MGAT3: variants seen among roughly 807,000 people sequenced by gnomAD.
The protein encoded by MGAT3 is beta-1,4-mannosyl-glycoprotein 4-beta-N-acetylglucosaminyltransferase.
A neutral mutation model predicts 29.8 loss-of-function variants in MGAT3; 9 were observed. That is an observed-to-expected ratio of 0.30 (90% confidence interval 0.18 to 0.53). The LOEUF is 0.53. Ranked by LOEUF, MGAT3 falls within the 20% of genes least tolerant of loss-of-function variation. MGAT3 has a pLI of 0.96. For missense variants in MGAT3, 557 were observed against 769.5 expected (o/e 0.72, Z 3.27); for synonymous variants, 397 against 348.9 (o/e 1.14, Z -1.54).
At chr22:39,460,706 G>C (rs929423897) in intron 1 of MGAT3, among the ~76,000 whole-genome samples, 1 of 152,206 alleles carries the variant, frequency 6.6e-6, no homozygotes, top group Non-Finnish European at 1.5e-5. Context: ...GCTGAGGCGA[G>C]AGAATCGCTT....
In MGAT3 at chr22:39,488,616, C is replaced by A; in HGVS notation, c.1269C>A (p.Phe423Leu). ...CCGGCTGGCACTGCTCCTGGTGCTTCACGCCCGAGGGCATCTACTTCAAGC... is the reference window on the plus strand; with the variant it reads ...CCGGCTGGCACTGCTCCTGGTGCTTAACGCCCGAGGGCATCTACTTCAAGC... Reference protein sequence around the residue: ...HFAGWHCSWCFTPEGIYFKLV... With the variant: ...HFAGWHCSWCLTPEGIYFKLV... The change falls in exon 2 of 2, where the codon TTC becomes TTA. Residue 423 changes from phenylalanine (F) to leucine (L), a missense_variant. Physicochemically the swap from Phe to Leu is conservative, Grantham distance 22 (BLOSUM62 0). Coordinates refer to ENST00000341184, the MANE Select transcript of MGAT3 (RefSeq NM_002409.5). 2 of 1,613,390 alleles carry A rather than the reference C, an allele frequency of 1.2e-6. No individual in the cohort carries two copies. Among genetic ancestry groups the A allele is most frequent in the Non-Finnish European group, 1.7e-6 (2 of 1,180,010 alleles).
rs1280513964 is a variant in MGAT3, at chr22:39,489,282, C to G, written c.*333C>G. ...GGGTAGGCAGGATTGGGGAAGAGAG[C>G]CTGCAGGATCTCACCAGGCAGCCTC... On this transcript the variant is annotated 3_prime_UTR_variant, in exon 2 of 2. Transcript: ENST00000341184. 2.8e-6 allele frequency: 1 copy of G among 356,178 alleles called. No homozygotes were observed. The highest frequency in any genetic ancestry group is 2.1e-5 in the African/African-American group (1 of 47,486). 22.1% of individuals were successfully genotyped at this position (356,178 alleles called of 1,614,324 possible).
chr22:39,487,979 CCATCAACGT>C lies in MGAT3; in HGVS notation c.635_643del (p.Ile212_Val214del). 6.2e-7 allele frequency: 1 copy of C among 1,612,844 alleles called. No individual in the cohort carries two copies. The highest frequency in any genetic ancestry group is 8.5e-7 in the Non-Finnish European group (1 of 1,179,856). On this transcript the variant is annotated inframe_deletion, in exon 2 of 2. Coordinates refer to ENST00000341184, the MANE Select transcript of MGAT3 (RefSeq NM_002409.5). This position sits in a 1 kb window ranked among gnomAD's most constrained non-coding sequence, Gnocchi z 5.7. ...GAGGTGCCGCGCCGCGTCATCAACG[CCATCAACGT>C]CAACCACGAGTTCGACCTGCTGGAC...
intron 1 of MGAT3, among the ~76,000 whole-genome samples, chr22:39,458,341 C>T (rs180981261): frequency 6.6e-6 from 1 of 152,184 alleles, no homozygotes; most frequent in African/African-American, 2.4e-5. Context: ...TGACCCCCAG[C>T]CCCGGAAGAT....
chr22:39,466,958 C>G (rs1438354377), intron 1 of MGAT3, among the ~76,000 whole-genome samples: 1 of 152,214 alleles, frequency 6.6e-6, no homozygotes, highest in Non-Finnish European at 1.5e-5. Flanking sequence ...TCCGTTCTTT[C>G]AGCAATTACT....
intron 1 of MGAT3, among the ~76,000 whole-genome samples, chr22:39,474,358 T>C (rs1006826670): frequency 6.6e-5 from 10 of 152,170 alleles, no homozygotes; most frequent in African/African-American, 2.4e-4. Flanking sequence ...ACCCTTGCCT[T>C]GGGCAAGGCT....
chr22:39,471,758 G>A (rs973027111), intron 1 of MGAT3, among the ~76,000 whole-genome samples: 6 of 152,124 alleles, frequency 3.9e-5, no homozygotes, highest in Non-Finnish European at 8.8e-5. Context: ...CGAGGCACAG[G>A]GGCAGAGGGG....
intron 1 of MGAT3, among the ~76,000 whole-genome samples, chr22:39,475,349 T>C (rs2145719103): frequency 6.6e-6 from 1 of 152,042 alleles, no homozygotes; most frequent in South Asian, 2.1e-4. Flanking sequence ...GAAAGAGCTG[T>C]CCTCAGTGCC....
At chr22:39,458,966 G>C (rs1255327680) in intron 1 of MGAT3, among the ~76,000 whole-genome samples, 2 of 152,206 alleles carry the variant, frequency 1.3e-5, no homozygotes, top group Non-Finnish European at 2.9e-5. Flanking sequence ...CCTGGCTGGG[G>C]GGATGCCGCT....
chr22:39,482,623 A>G (rs1176903691), intron 1 of MGAT3, among the ~76,000 whole-genome samples: 4 of 152,206 alleles, frequency 2.6e-5, no homozygotes, highest in African/African-American at 9.6e-5. Flanking sequence ...CATTTTATTT[A>G]TATGCTGTCT....
At chr22:39,480,176 T>G (rs1423297473) in intron 1 of MGAT3, among the ~76,000 whole-genome samples, 1 of 152,120 alleles carries the variant, frequency 6.6e-6, no homozygotes, top group Non-Finnish European at 1.5e-5. Context: ...GGAGGCTATC[T>G]TGGCACAGAG....
intron 1 of MGAT3, among the ~76,000 whole-genome samples, chr22:39,479,835 C>T (rs187007098): frequency 1.1e-3 from 160 of 152,270 alleles, no homozygotes; most frequent in African/African-American, 1.5e-3. Flanking sequence ...CAGGGCAGTG[C>T]GGGGTGATCT....
In MGAT3 at chr22:39,490,808, GGAAGAGGCCAGGCCCA is replaced by G. The variant is rs1569008564; in HGVS notation, c.*1861_*1876del. The G allele has an allele frequency of 1.2e-5, 2 of 166,472 alleles. No homozygotes were observed. The highest frequency in any genetic ancestry group is 2.4e-5 in the African/African-American group (1 of 41,222). The allele number at this position is 166,472 out of a possible 1,614,324, so 10.3% of individuals were successfully genotyped here. A position where few individuals can be genotyped will look rare whatever the true frequency, so the allele number is the denominator to read the frequency against. On this transcript the variant is annotated 3_prime_UTR_variant, in exon 2 of 2. Coordinates refer to ENST00000341184, the MANE Select transcript of MGAT3 (RefSeq NM_002409.5). ...TGTAAATACATGCTTGTGTATGGAT[GGAAGAGGCCAGGCCCA>G]GGCCTGGCCTCTTCCTCGGGCCTGT...
chr22:39,481,595 T>A (rs1929128851), intron 1 of MGAT3, among the ~76,000 whole-genome samples: 1 of 152,212 alleles, frequency 6.6e-6, no homozygotes, highest in African/African-American at 2.4e-5. Flanking sequence ...GCATGTTGTA[T>A]GGATCAAATG....
intron 1 of MGAT3, among the ~76,000 whole-genome samples, chr22:39,468,573 G>A (rs1327126736): frequency 1.3e-5 from 2 of 152,256 alleles, no homozygotes; most frequent in East Asian, 3.8e-4. Flanking sequence ...TCATTGGGGT[G>A]TGACAAGCCC....
At chr22:39,460,681 C>A (rs1188305636) in intron 1 of MGAT3, among the ~76,000 whole-genome samples, 6 of 152,146 alleles carry the variant, frequency 3.9e-5, no homozygotes, top group Admixed American at 1.3e-4. Flanking sequence ...ACCTATAATT[C>A]CAGCTACTTG....
chr22:39,465,770 A>G (rs1928626560), intron 1 of MGAT3, among the ~76,000 whole-genome samples: 1 of 152,026 alleles, frequency 6.6e-6, no homozygotes, highest in Non-Finnish European at 1.5e-5. Flanking sequence ...CGTCTCTACT[A>G]AAAATACAAA....
intron 1 of MGAT3, among the ~76,000 whole-genome samples, chr22:39,483,750 C>G (rs982450851): frequency 6.6e-6 from 1 of 152,110 alleles, no homozygotes; most frequent in Non-Finnish European, 1.5e-5. Flanking sequence ...TGCAGAAGAC[C>G]CACTTCAAAA....
chr22:39,473,642 G>T (rs1928872257), intron 1 of MGAT3, among the ~76,000 whole-genome samples: 1 of 152,164 alleles, frequency 6.6e-6, no homozygotes, highest in Admixed American at 6.5e-5. Flanking sequence ...GGACACAGGG[G>T]CTTGGGGATC....
Sources: allele counts gnomAD v4.1 joint callset (sites outside exome capture counted in the v4.1 genomes callset), GRCh38; gene constraint gnomAD v4.1.1; non-coding constraint Gnocchi (gnomAD v3.1); transcripts MANE v1.5; gene names NCBI Gene and HGNC (gene_info 2026-07-23, HGNC 2026-07-21).